The following BTBD9 variants were observed in gnomAD, a reference collection of about 807,000 sequenced individuals.
BTBD9 encodes BTB domain containing 9.
BTBD9 carries 49 observed loss-of-function variants against 64.3 expected under a neutral mutation model. The observed-to-expected ratio is 0.76, with a 90% CI of 0.61 to 0.97. BTBD9 has a LOEUF of 0.97. BTBD9 is among the 50% of genes least tolerant of loss of function. BTBD9 has a pLI of 0.00. For missense variants in BTBD9, 598 were observed against 762.1 expected (o/e 0.78, Z 2.53); for synonymous variants, 260 against 274.7 (o/e 0.95, Z 0.53).
chr6:38,403,173 A>T (rs1327463256), intron 6 of BTBD9, among the ~76,000 whole-genome samples: 1 of 152,142 alleles, frequency 6.6e-6, no homozygotes, highest in Non-Finnish European at 1.5e-5. Flanking sequence ...ATCACAAGCA[A>T]CCAAAGAAAA....
chr6:38,267,403 A>G (rs1355542734), intron 8 of BTBD9, among the ~76,000 whole-genome samples: 8 of 152,078 alleles, frequency 5.3e-5, no homozygotes, highest in African/African-American at 1.9e-4. Context: ...AACATTTATG[A>G]CTCCTGTGAA....
At chr6:38,368,416 C>G (rs181404290) in intron 6 of BTBD9, among the ~76,000 whole-genome samples, 1 of 152,168 alleles carries the variant, frequency 6.6e-6, no homozygotes, top group East Asian at 1.9e-4. Flanking sequence ...CTCACTGCAA[C>G]CTTTACCTCA....
intron 8 of BTBD9, among the ~76,000 whole-genome samples, chr6:38,266,023 T>A (rs9462421): frequency 0.12 from 17,706 of 152,190 alleles, 1,462 homozygotes; most frequent in African/African-American, 0.23. Flanking sequence ...ATTCACACAG[T>A]CCTCACTAGT....
intron 9 of BTBD9, among the ~76,000 whole-genome samples, chr6:38,237,551 AT>A (rs1309219758): frequency 6.6e-6 from 1 of 151,980 alleles, no homozygotes; most frequent in East Asian, 1.9e-4. Context: ...AAATCACATG[AT>A]ATCACAAAAT....
chr6:38,574,658 C>T (rs1002664789), intron 6 of BTBD9, among the ~76,000 whole-genome samples: 16 of 152,228 alleles, frequency 1.1e-4, no homozygotes, highest in Admixed American at 6.5e-5. Context: ...GCTGTATCAT[C>T]TAACTCTCAC....
At chr6:38,587,849 A>C in intron 4 of BTBD9, 1 of 720,044 alleles carries the variant, frequency 1.4e-6, no homozygotes, top group Admixed American at 1.8e-5. Flanking sequence ...CCTTTTAAAA[A>C]ACCAAGATGA....
Position 38,374,296 on chromosome 6 carries a change from T to TATATATATATATATATATATATAC in BTBD9, c.1155-29204_1155-29203insGTATATATATATATATATATATAT, listed in dbSNP as rs1491482634. Among the ~76,000 whole-genome samples the TATATATATATATATATATATATAC allele has an allele frequency of 9.2e-4, 65 of 70,512 alleles. 2 individuals carry two copies. The highest frequency in any genetic ancestry group is 1.2e-3 in the Non-Finnish European group (49 of 41,806). 46.3% of individuals were successfully genotyped at this position (70,512 alleles called of 152,430 possible). A position where few individuals can be genotyped will look rare whatever the true frequency, so the allele number is the denominator to read the frequency against. On this transcript the variant is annotated intron_variant, in intron 6 of 10. Transcript: ENST00000481247. ...AAAAAAAAAAAAGTATATATATATA[T>TATATATATATATATATATATATAC]GTATATATATGTATATATATATATA...
intron 6 of BTBD9, among the ~76,000 whole-genome samples, chr6:38,395,834 C>T (rs1391815061): frequency 6.6e-6 from 1 of 151,900 alleles, no homozygotes; most frequent in Non-Finnish European, 1.5e-5. Flanking sequence ...CTCAGCCTCT[C>T]GAGTAGCTGG....
intron 6 of BTBD9, among the ~76,000 whole-genome samples, chr6:38,428,229 G>A (rs1768268809): frequency 6.6e-6 from 1 of 151,888 alleles, no homozygotes; most frequent in African/African-American, 2.4e-5. Context: ...TGAGAAGTTT[G>A]AAGTGGTCAC....
intron 6 of BTBD9, among the ~76,000 whole-genome samples, chr6:38,479,186 A>C (rs1771020552): frequency 6.6e-6 from 1 of 152,132 alleles, no homozygotes; most frequent in Non-Finnish European, 1.5e-5. Flanking sequence ...ATACAATGAA[A>C]AGTCAGTGGA....
At chr6:38,327,048 G>A (rs1276072599) in intron 7 of BTBD9, among the ~76,000 whole-genome samples, 2 of 152,110 alleles carry the variant, frequency 1.3e-5, no homozygotes, top group East Asian at 1.9e-4. Flanking sequence ...ACCATTTCCT[G>A]TCATTACAGG....
intron 9 of BTBD9, among the ~76,000 whole-genome samples, chr6:38,225,420 C>T (rs1223497624): frequency 6.6e-6 from 1 of 152,152 alleles, no homozygotes; most frequent in Non-Finnish European, 1.5e-5. Context: ...CCAAAAGCTT[C>T]CCCAGTGGTA....
At chr6:38,271,774 G>A (rs972314125) in intron 8 of BTBD9, among the ~76,000 whole-genome samples, 1 of 152,190 alleles carries the variant, frequency 6.6e-6, no homozygotes, top group Admixed American at 6.5e-5. Flanking sequence ...CTAAGGCTGA[G>A]CTTAGCCTAG....
intron 8 of BTBD9, among the ~76,000 whole-genome samples, chr6:38,257,063 CTTTTTTTTTT>C (rs745545678): frequency 3.6e-5 from 4 of 111,382 alleles, no homozygotes; most frequent in African/African-American, 1.0e-4. Flanking sequence ...TTGCACACTT[CTTTTTTTTTT>C]TTTTTTTTTT....
chr6:38,561,122 G>A (rs561751038), intron 6 of BTBD9, among the ~76,000 whole-genome samples: 98 of 152,220 alleles, frequency 6.4e-4, no homozygotes, highest in African/African-American at 2.2e-3. Context: ...TGGGTCAAAC[G>A]GTAATTCTGT....
At chr6:38,491,786 A>C (rs966083857) in intron 6 of BTBD9, among the ~76,000 whole-genome samples, 3 of 152,228 alleles carry the variant, frequency 2.0e-5, no homozygotes, top group Admixed American at 6.5e-5. Context: ...CACCTGGCCC[A>C]ACAGGGTGTA....
At chr6:38,188,600 A>C (rs1761921221) in intron 10 of BTBD9, among the ~76,000 whole-genome samples, 2 of 152,240 alleles carry the variant, frequency 1.3e-5, no homozygotes, top group Non-Finnish European at 2.9e-5. Context: ...ACAAACACTG[A>C]GTAGCTAAAG....
chr6:38,250,301 G>A (rs570913504), intron 9 of BTBD9, among the ~76,000 whole-genome samples: 123 of 152,278 alleles, frequency 8.1e-4, no homozygotes, highest in African/African-American at 2.8e-3. Flanking sequence ...TGAACAAACA[G>A]TATGCTTTAG....
intron 6 of BTBD9, among the ~76,000 whole-genome samples, chr6:38,412,471 A>G (rs1767472559): frequency 6.6e-6 from 1 of 150,994 alleles, no homozygotes; most frequent in Admixed American, 6.6e-5. Flanking sequence ...CACTGTGGGT[A>G]GGAACTGGGG....
Sources: allele counts gnomAD v4.1 joint callset (sites outside exome capture counted in the v4.1 genomes callset), GRCh38; gene constraint gnomAD v4.1.1; transcripts MANE v1.5; gene names NCBI Gene and HGNC (gene_info 2026-07-23, HGNC 2026-07-21).